The following ASS1 variants were observed in gnomAD, a reference collection of about 807,000 sequenced individuals.
The protein encoded by ASS1 is argininosuccinate synthase.
ASS1 carries 58 observed loss-of-function variants against 60.5 expected under a neutral mutation model. That is an observed-to-expected ratio of 0.96 (90% CI 0.78 to 1.19). ASS1 has a LOEUF of 1.19. ASS1 is among the 50% of genes most tolerant of loss of function. The probability of loss-of-function intolerance (pLI) is 0.00; values close to 1 mark genes in which losing one functional copy is unlikely to be tolerated. For missense variants in ASS1, 454 were observed against 547.3 expected, an observed-to-expected ratio of 0.83 and a Z score of 1.70; for synonymous variants, 200 against 206.9, an observed-to-expected ratio of 0.97 and a Z score of 0.29.
chr9:130,483,891 C>G (rs11243481), intron 11 of ASS1, among the ~76,000 whole-genome samples: 1 of 151,382 alleles, frequency 6.6e-6, no homozygotes, highest in Admixed American at 6.6e-5. Flanking sequence ...GTCTCCCTTC[C>G]TCCTTACTCC....
At chr9:130,451,326 A>G (rs1845320635) in intron 1 of ASS1, among the ~76,000 whole-genome samples, 1 of 152,124 alleles carries the variant, frequency 6.6e-6, no homozygotes, top group Admixed American at 6.5e-5. Context: ...CCTCGTGCCC[A>G]TCTGTCCCCC....
rs1032565880 is a variant in ASS1 at position 130,478,861 on chromosome 9, C to T, written c.689-855C>T. Among the ~76,000 whole-genome samples the T allele has an allele frequency of 5.9e-5, 9 of 152,180 alleles. No homozygotes were observed. The highest frequency in any genetic ancestry group is 1.2e-4 in the Non-Finnish European group (8 of 68,030). ...GCTGACAGCGCCTTGAGTGAAGCCC[C>T]TCCAAGCGGCGCCTGGCTAATAAAG... On this transcript the variant is annotated intron_variant, in intron 9 of 14. Transcript: ENST00000352480. The surrounding 1 kb of genome is among the most constrained non-coding windows in gnomAD (Gnocchi z 4.7).
chr9:130,479,655 G>A (rs1038556256), intron 9 of ASS1, 61 bp from the exon 10 acceptor site: 20 of 1,328,748 alleles, frequency 1.5e-5, no homozygotes, highest in South Asian at 3.5e-5. Flanking sequence ...GTGGGGTGGC[G>A]GGTGCAGACT....
At chr9:130,445,270 G>T in intron 1 of ASS1, 1 of 948,156 alleles carries the variant, frequency 1.1e-6, no homozygotes. Flanking sequence ...CCGAAGAGCG[G>T]CTCGGGTTAT....
chr9:130,487,476 G>A (rs1001466888), intron 11 of ASS1, among the ~76,000 whole-genome samples: 3 of 151,336 alleles, frequency 2.0e-5, no homozygotes, highest in South Asian at 4.2e-4. Flanking sequence ...ATGCGTAAGC[G>A]TGCCGCTCAA....
rs1845619630 is a variant in ASS1 at position 130,462,414 on chromosome 9, G to A, written c.364-1697G>A. On this transcript the variant is annotated intron_variant, in intron 4 of 14. Transcript: ENST00000352480. ...GAGCTGCCCTGGTGCTGGGGTCTTG[G>A]GGTTCAGAGGGGGAAGGATTAGACT... Among the ~76,000 whole-genome samples the A allele has an allele frequency of 2.6e-5, 4 of 152,202 alleles. No individual in the cohort carries two copies. In the South Asian group the frequency reaches 6.2e-4, roughly 24 times the overall value.
chr9:130,464,797 G>A (rs1245627601), intron 5 of ASS1, among the ~76,000 whole-genome samples: 1 of 151,636 alleles, frequency 6.6e-6, no homozygotes, highest in Non-Finnish European at 1.5e-5. Flanking sequence ...GACCTGGCCT[G>A]CGTCCATGCA....
intron 13 of ASS1, among the ~76,000 whole-genome samples, chr9:130,495,474 C>CACACACAA (rs1223466782): frequency 1.4e-5 from 2 of 138,390 alleles, no homozygotes; most frequent in African/African-American, 3.2e-5. Flanking sequence ...CATACATATA[C>CACACACAA]ACACACACAC....
At chr9:130,481,255 G>GT (rs1846166739) in intron 11 of ASS1, among the ~76,000 whole-genome samples, 1 of 152,158 alleles carries the variant, frequency 6.6e-6, no homozygotes, top group African/African-American at 2.4e-5. Flanking sequence ...CTGCCAGTGT[G>GT]TGATAAAGCC....
chr9:130,465,047 TATA>T (rs1320822901), intron 5 of ASS1, among the ~76,000 whole-genome samples: 6 of 104,202 alleles, frequency 5.8e-5, no homozygotes, highest in Non-Finnish European at 1.2e-4. Context: ...TATATATATA[TATA>T]TATATATTTT....
At chr9:130,485,770 T>G (rs1178988574) in intron 11 of ASS1, among the ~76,000 whole-genome samples, 1 of 152,250 alleles carries the variant, frequency 6.6e-6, no homozygotes, top group African/African-American at 2.4e-5. Flanking sequence ...AGCAGGACTT[T>G]GTCAGTGTCG....
intron 8 of ASS1, among the ~76,000 whole-genome samples, chr9:130,471,907 T>G (rs640181): frequency 6.6e-6 from 1 of 151,516 alleles, no homozygotes; most frequent in African/African-American, 2.4e-5. Flanking sequence ...TTGTGGGGGG[T>G]GGGGGGAGGC....
chr9:130,474,719 C>T (rs1845973721), intron 8 of ASS1, among the ~76,000 whole-genome samples: 1 of 152,260 alleles, frequency 6.6e-6, no homozygotes, highest in Admixed American at 6.5e-5. Context: ...TGCTGGCTGG[C>T]TCTGGCCACA....
intron 11 of ASS1, among the ~76,000 whole-genome samples, chr9:130,480,709 G>A (rs1010400081): frequency 5.3e-5 from 8 of 152,150 alleles, no homozygotes; most frequent in African/African-American, 1.7e-4. Flanking sequence ...GGGAGTCTCC[G>A]AGGAGCAGGG....
At chr9:130,457,758 C>T (rs900947008) in intron 3 of ASS1, among the ~76,000 whole-genome samples, 1 of 152,118 alleles carries the variant, frequency 6.6e-6, no homozygotes, top group African/African-American at 2.4e-5. Context: ...GGGACAAAAC[C>T]GTCTCTGGTT....
At chr9:130,450,236 C>T in intron 1 of ASS1, 1 of 986,574 alleles carries the variant, frequency 1.0e-6, no homozygotes, top group Non-Finnish European at 1.2e-6. Flanking sequence ...ATGGCCCAGG[C>T]TACCTGCAGG....
intron 1 of ASS1, among the ~76,000 whole-genome samples, chr9:130,445,906 G>A (rs1334611718): frequency 1.3e-5 from 2 of 152,198 alleles, no homozygotes; most frequent in African/African-American, 4.8e-5. Flanking sequence ...AGACCTAGGG[G>A]ACTTGGGCTT....
intron 1 of ASS1, among the ~76,000 whole-genome samples, chr9:130,448,415 T>C (rs1032510650): frequency 7.4e-4 from 100 of 135,672 alleles, no homozygotes; most frequent in African/African-American, 2.3e-3. Flanking sequence ...CACAGGTGTG[T>C]GCGCGCGCAC....
intron 13 of ASS1, among the ~76,000 whole-genome samples, chr9:130,496,311 C>A (rs974929261): frequency 1.3e-5 from 2 of 151,954 alleles, no homozygotes; most frequent in African/African-American, 4.8e-5. Context: ...GTCCCAACTA[C>A]TTGGGAGGCT....
Sources: allele counts gnomAD v4.1 joint callset (sites outside exome capture counted in the v4.1 genomes callset), GRCh38; gene constraint gnomAD v4.1.1; non-coding constraint Gnocchi (gnomAD v3.1); transcripts MANE v1.5; gene names NCBI Gene and HGNC (gene_info 2026-07-23, HGNC 2026-07-21).